RHO: variants seen among roughly 807,000 people sequenced by gnomAD.
RHO encodes opsin 2, rod pigment.
Under a neutral mutation model 31.2 loss-of-function variants are expected in RHO, and 21 were observed. That is an observed-to-expected ratio of 0.67 (90% confidence interval 0.48 to 0.97). The LOEUF is 0.97. Ranked by LOEUF, RHO falls within the 50% of genes least tolerant of loss-of-function variation. The pLI is 0.00. For synonymous variants in RHO, 211 were observed against 196.6 expected (o/e 1.07, Z -0.61); for missense variants, 414 against 479.5 (o/e 0.86, Z 1.28).
In RHO at chr3:129,532,345, G is replaced by A. The variant is rs567288669; in HGVS notation, c.625G>A (p.Val209Met). ...CGAGTCTTTTGTCATCTACATGTTC[G>A]TGGTCCACTTCACCATCCCCATGAT... is the stretch of plus-strand genomic sequence containing the variant. ...NNESFVIYMF[V>M]VHFTIPMIII... Residue 209 changes from valine to methionine, a missense_variant, in exon 3 of 5, where the codon GTG (valine) becomes ATG (methionine). Transcript: ENST00000296271. This position sits in a 1 kb window ranked among gnomAD's most constrained non-coding sequence, Gnocchi z 5.5. 1.6e-5 allele frequency: 26 copies of A among 1,613,906 alleles called. No homozygotes were observed. The highest frequency in any genetic ancestry group is 6.7e-5 in the African/African-American group (5 of 74,972).
rs964840576 is a variant in RHO, at chr3:129,535,186, T to A, written c.*1468T>A. 2 of 152,602 alleles carry A rather than the reference T, an allele frequency of 1.3e-5. No individual in the cohort carries two copies. Among genetic ancestry groups the A allele is most frequent in the African/African-American group, 4.8e-5 (2 of 41,428 alleles). The allele number at this position is 152,602 out of a possible 1,614,324, so 9.5% of individuals were successfully genotyped here. On this transcript the variant is annotated 3_prime_UTR_variant, in exon 5 of 5. Coordinates refer to ENST00000296271, the MANE Select transcript of RHO (RefSeq NM_000539.3). ...TGGTATTAACGGTGGTGGGTTTTGT[T>A]GCTTTCACACTCTATCCACAGGATA...
At chr3:129,531,185 G>A in intron 2 of RHO, 141 bp downstream of exon 2, 2 of 945,302 alleles carry the variant, frequency 2.1e-6, no homozygotes, top group Admixed American at 4.1e-5. Context: ...GGGTAGGGGT[G>A]TAGGGCAGAA....
chr3:129,533,443 C>G (rs1229581864), intron 4 of RHO, among the ~76,000 whole-genome samples, 165 bp from the exon 5 acceptor site: 1 of 152,180 alleles, frequency 6.6e-6, no homozygotes, highest in African/African-American at 2.4e-5. Context: ...GGGTGAGGAG[C>G]GTCTGCCTAG....
chr3:129,529,985 G>A (rs1164482260), intron 1 of RHO, among the ~76,000 whole-genome samples: 2 of 152,162 alleles, frequency 1.3e-5, no homozygotes, highest in Admixed American at 6.5e-5. Context: ...GCTGGGTGAC[G>A]GGGAGAGCTT....
rs140851495 is a variant in RHO, at chr3:129,532,039, C to A, written c.531-212C>A. Among the ~76,000 whole-genome samples the A allele has an allele frequency of 2.6e-3, 402 of 152,310 alleles. 2 individuals carry two copies. Among genetic ancestry groups the A allele is most frequent in the African/African-American group, 9.1e-3 (377 of 41,570 alleles). ...GGCTGGGTGGTGTCATCTGGTAACG[C>A]AGCCACCAAACAATGAAGCGACACT... On this transcript the variant is annotated intron_variant, in intron 2 of 4. Coordinates refer to ENST00000296271, the MANE Select transcript of RHO (RefSeq NM_000539.3). This position sits in a 1 kb window ranked among gnomAD's most constrained non-coding sequence, Gnocchi z 5.5.
At position 129,532,786 on chromosome 3, in the gene RHO, G is replaced by T; in HGVS notation, c.936+14G>T. The T allele has an allele frequency of 6.2e-7, 1 of 1,613,750 alleles. No individual in the cohort carries two copies. Among genetic ancestry groups the T allele is most frequent in the Non-Finnish European group, 8.5e-7 (1 of 1,180,050 alleles). Reference sequence around the variant, plus strand: ...ATGAACAAGCAGGTGCCTACTGCGGGTGGGAGGGCCCCAGTGCCCCAGGCC... The same window carrying T: ...ATGAACAAGCAGGTGCCTACTGCGGTTGGGAGGGCCCCAGTGCCCCAGGCC... On this transcript the variant is annotated intron_variant, in intron 4 of 4. Transcript: ENST00000296271. The surrounding 1 kb of genome is among the most constrained non-coding windows in gnomAD (Gnocchi z 5.5).
rs141185480 is a variant in RHO at position 129,532,580 on chromosome 3, G to A, written c.744G>A (p.Lys248=). ...QESATTQKAE[K]EVTRMVIIMV... The stretch of plus-strand genomic sequence containing the variant: ...CAGCCACCACACAGAAGGCAGAGAA[G>A]GAGGTCACCCGCATGGTCATCATCA... The change falls in exon 4 of 5, where the codon AAG becomes AAA. Residue 248 remains lysine (K), a synonymous_variant. Transcript: ENST00000296271. The surrounding 1 kb of genome is among the most constrained non-coding windows in gnomAD (Gnocchi z 5.5). 216 of 1,614,054 alleles carry A rather than the reference G, an allele frequency of 1.3e-4. No homozygotes were observed. The highest frequency in any genetic ancestry group is 1.8e-4 in the Non-Finnish European group (207 of 1,180,046).
Position 129,533,842 on chromosome 3 carries a change from A to ATTT in RHO, c.*138_*140dup. ...TGAACGAAGTCACATAGGCTCCTTA[A>ATTT]TTTTTTTTTTTTTTTTAAGAAATAA... On this transcript the variant is annotated 3_prime_UTR_variant, in exon 5 of 5. Transcript: ENST00000296271. 5.7e-5 allele frequency: 31 copies of ATTT among 547,386 alleles called. No individual in the cohort carries two copies. The highest frequency in any genetic ancestry group is 8.1e-5 in the Non-Finnish European group (25 of 308,910). 33.9% of individuals were successfully genotyped at this position (547,386 alleles called of 1,614,324 possible).
chr3:129,531,864 C>T (rs2084782391), intron 2 of RHO, among the ~76,000 whole-genome samples: 1 of 152,192 alleles, frequency 6.6e-6, no homozygotes, highest in African/African-American at 2.4e-5. Context: ...CTGGAAAATA[C>T]TCTCACCCTG....
chr3:129,530,750 C>T, intron 1 of RHO, 126 bp from the exon 2 acceptor site: 2 of 1,166,640 alleles, frequency 1.7e-6, no homozygotes, highest in Non-Finnish European at 2.6e-6. Context: ...TCTCCTTCCC[C>T]AAGGCCTCCT....
At position 129,533,949 on chromosome 3, in the gene RHO, C is replaced by T. The variant is rs2084803721; in HGVS notation, c.*231C>T. 31 of 506,120 alleles carry T rather than the reference C, an allele frequency of 6.1e-5. No individual in the cohort carries two copies. In the East Asian group the frequency reaches 9.5e-4, roughly 16 times the overall value. The allele number at this position is 506,120 out of a possible 1,614,324, so 31.4% of individuals were successfully genotyped here. On this transcript the variant is annotated 3_prime_UTR_variant, in exon 5 of 5. Transcript: ENST00000296271. ...TACTGATCTGGAGTCCCACGTTCCCCAAGGCCAGCGGGATGTGTGCCCCTC... is the reference window on the plus strand; with the variant it reads ...TACTGATCTGGAGTCCCACGTTCCCTAAGGCCAGCGGGATGTGTGCCCCTC...
Position 129,528,716 on chromosome 3 carries a change from G to A in RHO, c.-18G>A. Reference sequence around the variant, plus strand: ...CTTGGGTGGGAGCAGCCACGGGTCAGCCACAAGGGCCACAGCCATGAATGG... The same window carrying A: ...CTTGGGTGGGAGCAGCCACGGGTCAACCACAAGGGCCACAGCCATGAATGG... On this transcript the variant is annotated 5_prime_UTR_variant, in exon 1 of 5. Coordinates refer to ENST00000296271, the MANE Select transcript of RHO (RefSeq NM_000539.3). 6.2e-7 allele frequency: 1 copy of A among 1,614,002 alleles called. No individual in the cohort carries two copies. The highest frequency in any genetic ancestry group is 8.5e-7 in the Non-Finnish European group (1 of 1,180,014).
chr3:129,530,811 T>C, intron 1 of RHO, 65 bp from the exon 2 acceptor site: 1 of 1,602,336 alleles, frequency 6.2e-7, no homozygotes, highest in East Asian at 2.2e-5. Context: ...TCTCCCTGTC[T>C]AGGGGGGAGT....
chr3:129,534,111 T>A lies in RHO; in HGVS notation c.*393T>A. 5.0e-6 allele frequency: 1 copy of A among 199,304 alleles called. No individual in the cohort carries two copies. The highest frequency in any genetic ancestry group is 8.3e-5 in the South Asian group (1 of 12,070). The allele number at this position is 199,304 out of a possible 1,614,324, so 12.3% of individuals were successfully genotyped here. The stretch of plus-strand genomic sequence containing the variant: ...AATGCTGGATGGATGCAGGAAGGAA[T>A]GGAGGAATGAATGGGAAGGGAGAAC... On this transcript the variant is annotated 3_prime_UTR_variant, in exon 5 of 5. Coordinates refer to ENST00000296271, the MANE Select transcript of RHO (RefSeq NM_000539.3).
intron 1 of RHO, among the ~76,000 whole-genome samples, chr3:129,530,574 C>T (rs2084772364): frequency 8.0e-6 from 1 of 124,672 alleles, no homozygotes. Flanking sequence ...ACACAAAACT[C>T]CCTACCGGGT....
chr3:129,532,637 C>T lies in RHO; in HGVS notation c.801C>T (p.Pro267=), dbSNP rs2084789589. The change falls in exon 4 of 5, where the codon CCC becomes CCT. Residue 267 remains proline, a synonymous_variant. Coordinates refer to ENST00000296271, the MANE Select transcript of RHO (RefSeq NM_000539.3). This position sits in a 1 kb window ranked among gnomAD's most constrained non-coding sequence, Gnocchi z 5.5. ...MVIAFLICWV[P]YASVAFYIFT... ...TCGCTTTCCTGATCTGCTGGGTGCCCTACGCCAGCGTGGCATTCTACATCT... is the reference window on the plus strand; with the variant it reads ...TCGCTTTCCTGATCTGCTGGGTGCCTTACGCCAGCGTGGCATTCTACATCT... 1 of 1,614,252 alleles carries T rather than the reference C, an allele frequency of 6.2e-7. No homozygotes were observed. Among genetic ancestry groups the T allele is most frequent in the Non-Finnish European group, 8.5e-7 (1 of 1,180,046 alleles).
In RHO at chr3:129,528,788, G is replaced by A. The variant is rs1372284722; in HGVS notation, c.55G>A (p.Val19Met). 1.9e-6 allele frequency: 3 copies of A among 1,614,244 alleles called. No homozygotes were observed. ...FYVPFSNATG[V>M]VRSPFEYPQY... is the part of the protein sequence containing the mutation. ...CGTGCCCTTCTCCAATGCGACGGGT[G>A]TGGTACGCAGCCCCTTCGAGTACCC... The change falls in exon 1 of 5, where the codon GTG becomes ATG. Residue 19 changes from valine to methionine, a missense_variant. By Grantham distance (21) the Val-to-Met change is conservative. Transcript: ENST00000296271.
intron 4 of RHO, among the ~76,000 whole-genome samples, 165 bp from the exon 5 acceptor site, chr3:129,533,443 C>T (rs1229581864): frequency 6.6e-6 from 1 of 152,180 alleles, no homozygotes; most frequent in Admixed American, 6.5e-5. Context: ...GGGTGAGGAG[C>T]GTCTGCCTAG....
In RHO at chr3:129,530,533, A is replaced by ACAC. The variant is rs1553781099; in HGVS notation, c.362-343_362-342insCAC. On this transcript the variant is annotated intron_variant, in intron 1 of 4. Coordinates refer to ENST00000296271, the MANE Select transcript of RHO (RefSeq NM_000539.3). Reference sequence around the variant, plus strand: ...CACACACACACACACACACACACACAACACACACACACACACACACACACA... The same window carrying ACAC: ...CACACACACACACACACACACACACACACACACACACACACACACACACACACA... Among the ~76,000 whole-genome samples the ACAC allele has an allele frequency of 9.0e-3, 1,101 of 122,884 alleles. 17 individuals are homozygous for ACAC. Among genetic ancestry groups the ACAC allele is most frequent in the African/African-American group, 0.037 (901 of 24,554 alleles). The allele number at this position is 122,884 out of a possible 152,430, so 80.6% of individuals were successfully genotyped here.
Sources: allele counts gnomAD v4.1 joint callset (sites outside exome capture counted in the v4.1 genomes callset), GRCh38; gene constraint gnomAD v4.1.1; non-coding constraint Gnocchi (gnomAD v3.1); transcripts MANE v1.5; gene names NCBI Gene and HGNC (gene_info 2026-07-23, HGNC 2026-07-21).